Variants in COTL1 observed in about 807,000 individuals in gnomAD.
COTL1 encodes coactosin-like protein.
COTL1 carries 15 observed loss-of-function variants against 16.5 expected under a neutral mutation model. The ratio of observed to expected loss-of-function variants is 0.91; its 90% CI spans 0.61 to 1.40. The LOEUF is 1.40. Ranked by LOEUF, COTL1 falls within the 40% of genes most tolerant of loss-of-function variation. The pLI, the probability that COTL1 is intolerant of heterozygous loss-of-function variation, is 0.00. For missense variants in COTL1, 220 were observed against 201.5 expected (o/e 1.09, Z -0.56); for synonymous variants, 112 against 85.3 (o/e 1.31, Z -1.73).
rs566860078 is a variant in COTL1, at chr16:84,566,826, G to T, written c.*19C>A. On this transcript the variant is annotated 3_prime_UTR_variant, in exon 4 of 4. Transcript: ENST00000262428. Reference sequence around the variant, plus strand: ...CAGGCAGATGACTTTGGCAAGGGGTGGTGTGGCGGGGGCTGGGGTTACTCC... The same window carrying T: ...CAGGCAGATGACTTTGGCAAGGGGTTGTGTGGCGGGGGCTGGGGTTACTCC... 24 of 1,548,598 alleles carry T rather than the reference G, an allele frequency of 1.5e-5. No individual in the cohort carries two copies. In the East Asian group the frequency reaches 5.2e-4, roughly 33 times the overall value.
intron 3 of COTL1, among the ~76,000 whole-genome samples, chr16:84,579,897 G>T (rs1174799918): frequency 6.6e-6 from 1 of 152,218 alleles, no homozygotes; most frequent in Admixed American, 6.5e-5. Context: ...ATGAAGGCTG[G>T]GAAACATGCA....
chr16:84,581,146 CAA>C (rs1597170990), intron 3 of COTL1, among the ~76,000 whole-genome samples: 1 of 23,274 alleles, frequency 4.3e-5, no homozygotes, highest in Non-Finnish European at 1.4e-4. Context: ...CATCTAAAAA[CAA>C]ACAAACAAAC....
At chr16:84,579,450 G>A (rs1471548765) in intron 3 of COTL1, among the ~76,000 whole-genome samples, 1 of 145,916 alleles carries the variant, frequency 6.9e-6, no homozygotes, top group Non-Finnish European at 1.5e-5. Flanking sequence ...TCGTGCCACT[G>A]CACTCCAAGC....
At chr16:84,614,106 G>A (rs1905405069) in intron 2 of COTL1, among the ~76,000 whole-genome samples, 2 of 152,342 alleles carry the variant, frequency 1.3e-5, no homozygotes, top group South Asian at 2.1e-4. Flanking sequence ...CTGCTGCTAG[G>A]ACTTCCCCTG....
At chr16:84,581,760 C>T (rs13331401) in intron 3 of COTL1, among the ~76,000 whole-genome samples, 19,565 of 152,080 alleles carry the variant, frequency 0.13, 2,689 homozygotes, top group African/African-American at 0.34. Flanking sequence ...CCGCCTTGGC[C>T]TCCCAAAGTG....
At chr16:84,574,202 C>T (rs573640853) in intron 3 of COTL1, among the ~76,000 whole-genome samples, 5 of 152,256 alleles carry the variant, frequency 3.3e-5, no homozygotes, top group South Asian at 2.1e-4. Context: ...AGAGAGGGGA[C>T]GCAGTTCATC....
At chr16:84,576,184 G>A (rs1011984341) in intron 3 of COTL1, 1 of 152,232 alleles carries the variant, frequency 6.6e-6, no homozygotes, top group East Asian at 1.9e-4. Context: ...CAGGCCCAGG[G>A]TTAGCTTCAG....
At chr16:84,573,631 C>G (rs1348922691) in intron 3 of COTL1, among the ~76,000 whole-genome samples, 1 of 151,916 alleles carries the variant, frequency 6.6e-6, no homozygotes, top group African/African-American at 2.4e-5. Context: ...AAAGAATTAG[C>G]TGGGTGTGAG....
intron 2 of COTL1, among the ~76,000 whole-genome samples, chr16:84,614,186 C>G (rs113410886): frequency 1.4e-4 from 22 of 152,350 alleles, no homozygotes; most frequent in East Asian, 7.7e-4. Flanking sequence ...TTCTCACCGC[C>G]CTCGCAAGGT....
intron 2 of COTL1, among the ~76,000 whole-genome samples, chr16:84,591,628 C>A (rs867829692): frequency 2.0e-5 from 2 of 100,544 alleles, no homozygotes; most frequent in African/African-American, 8.5e-5. Context: ...GGAGAAATCA[C>A]CTCTCTAAAA....
At chr16:84,577,611 C>G (rs552010424) in intron 3 of COTL1, among the ~76,000 whole-genome samples, 1 of 152,182 alleles carries the variant, frequency 6.6e-6, no homozygotes, top group South Asian at 2.1e-4. Flanking sequence ...ATCAAAATGG[C>G]ACGGGCTCGG....
At chr16:84,573,633 G>A (rs1292045120) in intron 3 of COTL1, among the ~76,000 whole-genome samples, 1 of 152,058 alleles carries the variant, frequency 6.6e-6, no homozygotes, top group Non-Finnish European at 1.5e-5. Flanking sequence ...AGAATTAGCT[G>A]GGTGTGAGAG....
At chr16:84,604,853 GC>G (rs1474163517) in intron 2 of COTL1, among the ~76,000 whole-genome samples, 2 of 152,230 alleles carry the variant, frequency 1.3e-5, no homozygotes, top group Non-Finnish European at 2.9e-5. Flanking sequence ...TTATTTGCAA[GC>G]CATGAACAAT....
intron 3 of COTL1, among the ~76,000 whole-genome samples, chr16:84,588,709 T>C (rs1004056475): frequency 6.6e-6 from 1 of 151,998 alleles, no homozygotes; most frequent in Non-Finnish European, 1.5e-5. Flanking sequence ...TGGAGTATTA[T>C]TAATACTATG....
At chr16:84,613,513 A>G (rs747447382) in intron 2 of COTL1, among the ~76,000 whole-genome samples, 8 of 151,974 alleles carry the variant, frequency 5.3e-5, no homozygotes, top group Non-Finnish European at 8.8e-5. Context: ...TAGAGAGGAG[A>G]TATGGGTGGG....
chr16:84,593,742 G>C (rs952471285), intron 2 of COTL1, among the ~76,000 whole-genome samples: 1 of 151,978 alleles, frequency 6.6e-6, no homozygotes, highest in Non-Finnish European at 1.5e-5. Context: ...CTCGTGATCC[G>C]CCCACCTCGG....
intron 2 of COTL1, among the ~76,000 whole-genome samples, chr16:84,612,489 A>G (rs1482969057): frequency 1.3e-5 from 2 of 152,048 alleles, no homozygotes. Flanking sequence ...CAGAGTAAAA[A>G]TAATTATTTG....
intron 2 of COTL1, among the ~76,000 whole-genome samples, chr16:84,612,379 C>T (rs1451001143): frequency 6.6e-6 from 1 of 152,216 alleles, no homozygotes; most frequent in African/African-American, 2.4e-5. Flanking sequence ...GGCCAAATGC[C>T]TATTGCATAC....
rs147641809 is a variant in COTL1 at position 84,606,797 on chromosome 16, G to A, written c.160+10704C>T. Among the ~76,000 whole-genome samples the A allele has an allele frequency of 2.1e-3, 321 of 152,330 alleles. 2 individuals carry two copies. The highest frequency in any genetic ancestry group is 7.2e-3 in the African/African-American group (298 of 41,566). ...CGCCTCCCAGGGCTGCACCCTCCATGTTCCTCTTAGGGTCCCTGAGGGATT... is the reference window on the plus strand; with the variant it reads ...CGCCTCCCAGGGCTGCACCCTCCATATTCCTCTTAGGGTCCCTGAGGGATT... On this transcript the variant is annotated intron_variant, in intron 2 of 3. Transcript: ENST00000262428.
Sources: allele counts gnomAD v4.1 joint callset (sites outside exome capture counted in the v4.1 genomes callset), GRCh38; gene constraint gnomAD v4.1.1; transcripts MANE v1.5; gene names NCBI Gene and HGNC (gene_info 2026-07-23, HGNC 2026-07-21).